NDRG1: variants seen among roughly 807,000 people sequenced by gnomAD.
The protein encoded by NDRG1 is N-myc downstream regulated 1, also known as protein NDRG1.
Under a neutral mutation model 56.9 loss-of-function variants are expected in NDRG1, and 32 were observed. The observed-to-expected ratio is 0.56, with a 90% confidence interval of 0.42 to 0.76. The LOEUF (loss-of-function observed/expected upper bound fraction) is 0.76. Ranked by LOEUF, NDRG1 falls within the 30% of genes least tolerant of loss-of-function variation. NDRG1 has a pLI of 0.00. For synonymous variants in NDRG1, 211 were observed against 204.1 expected (o/e 1.03, Z -0.29); for missense variants, 507 against 545.7 (o/e 0.93, Z 0.71).
At chr8:133,292,744 C>CT (rs1253253371) in intron 1 of NDRG1, among the ~76,000 whole-genome samples, 1 of 152,192 alleles carries the variant, frequency 6.6e-6, no homozygotes, top group Non-Finnish European at 1.5e-5. Flanking sequence ...ACCCACCTCT[C>CT]TTCAAACAGA....
intron 1 of NDRG1, among the ~76,000 whole-genome samples, chr8:133,287,924 C>A (rs1360666185): frequency 1.3e-5 from 2 of 151,494 alleles, no homozygotes; most frequent in African/African-American, 4.9e-5. Context: ...CTTATTTAAT[C>A]TAGTGCATGC....
rs372386091 is a variant in NDRG1, at chr8:133,241,397, C to T, written c.943+626G>A. On this transcript the variant is annotated intron_variant, in intron 15 of 15. Transcript: ENST00000323851. ...ACGAGTGAGTTCCTGAATGATGCTT[C>T]CAATGTATCCTCCACTTCCCAAAGC... 84 of 159,130 alleles carry T rather than the reference C, an allele frequency of 5.3e-4. No homozygotes were observed. The South Asian group carries it at 0.013, about 25-fold the overall frequency. 9.9% of individuals were successfully genotyped at this position (159,130 alleles called of 1,614,324 possible). A position where few individuals can be genotyped will look rare whatever the true frequency, so the allele number is the denominator to read the frequency against.
intron 8 of NDRG1, chr8:133,255,894 A>C (rs1458589691): frequency 6.6e-6 from 1 of 152,638 alleles, no homozygotes; most frequent in African/African-American, 2.5e-5. Context: ...TTTACAGGGA[A>C]AAAAACAAAA....
intron 4 of NDRG1, among the ~76,000 whole-genome samples, chr8:133,262,947 A>T (rs1394638161): frequency 1.3e-5 from 2 of 152,212 alleles, no homozygotes; most frequent in Non-Finnish European, 2.9e-5. Context: ...GGGTCCTTGA[A>T]TTGCCAAATA....
At chr8:133,280,110 C>T in intron 3 of NDRG1, 122 bp downstream of exon 3, 2 of 1,198,340 alleles carry the variant, frequency 1.7e-6, no homozygotes, top group South Asian at 2.6e-5. Context: ...TAGCTGAGAC[C>T]ACTGCCTTCT....
At position 133,237,177 on chromosome 8, in the gene NDRG1, CAA is replaced by C. The variant is rs1855099496; in HGVS notation, c.*1699_*1700del. On this transcript the variant is annotated 3_prime_UTR_variant, in exon 16 of 16. Coordinates refer to ENST00000323851, the MANE Select transcript of NDRG1 (RefSeq NM_006096.4). Reference sequence around the variant, plus strand: ...GACAGAAAAAAGACACAAGCCGCTGCAAAGTTACAAATTTATTGGTCTGGAAA... The same window carrying C: ...GACAGAAAAAAGACACAAGCCGCTGCAGTTACAAATTTATTGGTCTGGAAA... 1 of 203,860 alleles carries C rather than the reference CAA, an allele frequency of 4.9e-6. No homozygotes were observed. Among genetic ancestry groups the C allele is most frequent in the Non-Finnish European group, 1.0e-5 (1 of 99,446 alleles). The allele number at this position is 203,860 out of a possible 1,614,324, so 12.6% of individuals were successfully genotyped here.
chr8:133,267,017 C>T (rs139753535), intron 3 of NDRG1, among the ~76,000 whole-genome samples: 90 of 152,242 alleles, frequency 5.9e-4, no homozygotes, highest in African/African-American at 2.2e-3. Context: ...ACTGAGTTTC[C>T]AACAAGAACT....
intron 12 of NDRG1, among the ~76,000 whole-genome samples, chr8:133,246,983 T>C (rs183720057): frequency 1.5e-4 from 23 of 152,348 alleles, no homozygotes; most frequent in Non-Finnish European, 2.6e-4. Context: ...AAATACCTGC[T>C]AAATAAATAT....
At chr8:133,244,073 C>T (rs540494598) in intron 14 of NDRG1, among the ~76,000 whole-genome samples, 1 of 152,260 alleles carries the variant, frequency 6.6e-6, no homozygotes, top group Non-Finnish European at 1.5e-5. Context: ...AGCAGAAGCC[C>T]GTGGTCTTTG....
intron 5 of NDRG1, among the ~76,000 whole-genome samples, chr8:133,259,865 G>A (rs567940465): frequency 3.7e-4 from 57 of 152,324 alleles, no homozygotes; most frequent in African/African-American, 1.3e-3. Flanking sequence ...GAGACCTGCC[G>A]TGCTCAGATG....
chr8:133,242,153 G>A, intron 14 of NDRG1, 79 bp from the exon 15 acceptor site: 1 of 1,439,330 alleles, frequency 6.9e-7, no homozygotes. Context: ...CTGTGCCTGT[G>A]GTCACCTTCA....
chr8:133,262,462 C>A (rs768439949), intron 4 of NDRG1, among the ~76,000 whole-genome samples: 11 of 152,112 alleles, frequency 7.2e-5, no homozygotes, highest in Non-Finnish European at 1.6e-4. Context: ...CTCCTCCAGT[C>A]AGCCAGGGTC....
intron 9 of NDRG1, among the ~76,000 whole-genome samples, chr8:133,251,505 C>A (rs1856042846): frequency 6.6e-6 from 1 of 152,218 alleles, no homozygotes; most frequent in African/African-American, 2.4e-5. Flanking sequence ...GCCGGACCAA[C>A]CAGTCTCCAA....
intron 3 of NDRG1, among the ~76,000 whole-genome samples, chr8:133,276,131 C>T (rs1857444087): frequency 6.6e-6 from 1 of 152,194 alleles, no homozygotes; most frequent in African/African-American, 2.4e-5. Flanking sequence ...GAAATCTTAT[C>T]CTGACCTCTG....
chr8:133,290,352 T>A (rs1858363211), intron 1 of NDRG1, among the ~76,000 whole-genome samples: 1 of 152,094 alleles, frequency 6.6e-6, no homozygotes, highest in South Asian at 2.1e-4. Flanking sequence ...AGGAACAGTA[T>A]CTGTGGCACT....
intron 3 of NDRG1, among the ~76,000 whole-genome samples, chr8:133,274,780 G>T (rs1857368993): frequency 6.6e-6 from 1 of 152,210 alleles, no homozygotes; most frequent in African/African-American, 2.4e-5. Context: ...AAGCATCACG[G>T]TTGAGAGAAC....
intron 1 of NDRG1, chr8:133,296,467 C>G (rs1858768262): frequency 2.2e-6 from 1 of 455,994 alleles, no homozygotes; most frequent in Admixed American, 2.4e-5. Flanking sequence ...CTGTGACACA[C>G]CCTGGACCCT....
At chr8:133,264,810 A>C in intron 3 of NDRG1, 158 bp from the exon 4 acceptor site, 1 of 691,286 alleles carries the variant, frequency 1.4e-6, no homozygotes, top group Non-Finnish European at 2.6e-6. Flanking sequence ...TCTGGCCAGA[A>C]GCCACTCCAA....
chr8:133,282,911 T>G (rs1381349426), intron 2 of NDRG1, among the ~76,000 whole-genome samples: 3 of 152,236 alleles, frequency 2.0e-5, no homozygotes, highest in Non-Finnish European at 2.9e-5. Context: ...ACCAGCTATC[T>G]GGATGAACTT....
Sources: gnomAD v4.1 joint callset for allele counts (sites outside exome capture counted in the v4.1 genomes callset) on GRCh38, gnomAD v4.1.1 for gene constraint, MANE v1.5 for transcripts, NCBI Gene and HGNC (gene_info 2026-07-23, HGNC 2026-07-21) for gene names.